Variants in MICU3 observed in about 807,000 individuals in gnomAD.
MICU3 encodes the protein mitochondrial calcium uptake 3.
Under a neutral mutation model 66.5 loss-of-function variants are expected in MICU3, and 62 were observed. That is an observed-to-expected ratio of 0.93 (90% CI 0.76 to 1.15). The LOEUF is 1.15. MICU3 is among the 50% of genes most tolerant of loss of function. The pLI is 0.00. For missense variants in MICU3, 779 were observed against 664.4 expected (o/e 1.17, Z -1.90); for synonymous variants, 308 against 240.7 (o/e 1.28, Z -2.59).
intron 13 of MICU3, among the ~76,000 whole-genome samples, chr8:17,117,117 A>T (rs571019023): frequency 6.6e-6 from 1 of 152,114 alleles, no homozygotes; most frequent in African/African-American, 2.4e-5. Context: ...AGCTGGGACT[A>T]TAGGTGCATG....
chr8:17,052,610 T>G (rs1023732581), intron 1 of MICU3, among the ~76,000 whole-genome samples: 4 of 152,186 alleles, frequency 2.6e-5, no homozygotes, highest in Non-Finnish European at 5.9e-5. Context: ...TTAAAAACTT[T>G]GATCTCAGCC....
At position 17,049,640 on chromosome 8, in the gene MICU3, C is replaced by T. The variant is rs767067927; in HGVS notation, c.382-14444C>T. ...CGTAGGCCGGAAGGATTGCAAAACC[C>T]ATATACTTTCATTCCAATATAACAA... On this transcript the variant is annotated intron_variant, in intron 1 of 14. Coordinates refer to ENST00000318063, the MANE Select transcript of MICU3 (RefSeq NM_181723.3). The T allele has an allele frequency of 5.4e-5, 28 of 518,090 alleles. No individual in the cohort carries two copies. The East Asian group carries it at 9.3e-4, about 17-fold the overall frequency. The allele number at this position is 518,090 out of a possible 1,614,324, so 32.1% of individuals were successfully genotyped here.
Position 17,027,462 on chromosome 8 carries a change from G to C in MICU3, c.183G>C (p.Arg61=), listed in dbSNP as rs1811183418. 3.1e-6 allele frequency: 4 copies of C among 1,297,402 alleles called. No homozygotes were observed. The South Asian group carries it at 1.0e-4, about 33-fold the overall frequency. 80.4% of individuals were successfully genotyped at this position (1,297,402 alleles called of 1,614,324 possible). A position where few individuals can be genotyped will look rare whatever the true frequency, so the allele number is the denominator to read the frequency against. The change falls in exon 1 of 15, where the codon CGG becomes CGC. Residue 61 remains arginine (R), a synonymous_variant. Transcript: ENST00000318063. The part of the protein sequence containing the change: ...RAVAEAAWRR[R]RRWGELSVAA... ...TGGCGGAGGCGGCATGGAGGCGGCG[G>C]CGGCGCTGGGGGGAGCTGAGCGTGG...
At chr8:17,032,526 CTAGT>C (rs1395073485) in intron 1 of MICU3, among the ~76,000 whole-genome samples, 1 of 152,146 alleles carries the variant, frequency 6.6e-6, no homozygotes, top group African/African-American at 2.4e-5. Flanking sequence ...GAGTGGAAAA[CTAGT>C]TAGACAAATT....
Position 17,114,255 on chromosome 8 carries a change from A to T in MICU3, c.1366+54A>T, listed in dbSNP as rs116617698. The T allele has an allele frequency of 1.5e-5, 18 of 1,198,324 alleles. No homozygotes were observed. The African/African-American group carries it at 1.5e-4, about 10-fold the overall frequency. 74.2% of individuals were successfully genotyped at this position (1,198,324 alleles called of 1,614,324 possible). ...CAAGAAGTAATACTACATTGTTTCT[A>T]TAGATTTTGGCAACCAATTAATTAA... On this transcript the variant is annotated intron_variant, in intron 12 of 14. Coordinates refer to ENST00000318063, the MANE Select transcript of MICU3 (RefSeq NM_181723.3).
At chr8:17,029,449 C>G (rs1811630058) in intron 1 of MICU3, among the ~76,000 whole-genome samples, 1 of 152,004 alleles carries the variant, frequency 6.6e-6, no homozygotes, top group Non-Finnish European at 1.5e-5. Context: ...GCACCCCAGC[C>G]TGGGTGACAA....
chr8:17,103,764 A>G (rs769348941), intron 9 of MICU3, among the ~76,000 whole-genome samples: 15 of 151,982 alleles, frequency 9.9e-5, no homozygotes, highest in Non-Finnish European at 1.9e-4. Context: ...TTAATTTTTT[A>G]TCCATTTGAC....
chr8:17,128,595 A>G, the MICU3 span, among the ~76,000 whole-genome samples: 1 of 152,190 alleles, frequency 6.6e-6, no homozygotes, highest in African/African-American at 2.4e-5. Flanking sequence ...AGCCATGACT[A>G]TTAGACTTAT....
At chr8:17,065,911 A>G (rs150340725) in intron 2 of MICU3, among the ~76,000 whole-genome samples, 2 of 152,172 alleles carry the variant, frequency 1.3e-5, no homozygotes, top group Non-Finnish European at 2.9e-5. Context: ...TAAATTAAAA[A>G]AAAGATTTTA....
intron 1 of MICU3, chr8:17,049,594 G>A (rs745864112): frequency 3.9e-6 from 2 of 518,632 alleles, no homozygotes; most frequent in Non-Finnish European, 7.7e-6. Context: ...TAACTAGGAA[G>A]GGATGAAGCT....
At chr8:17,102,249 A>G (rs1265182800) in intron 9 of MICU3, among the ~76,000 whole-genome samples, 1 of 151,618 alleles carries the variant, frequency 6.6e-6, no homozygotes, top group Admixed American at 6.6e-5. Flanking sequence ...CTTATGCTCC[A>G]CTCGAGCATG....
intron 12 of MICU3, 114 bp from the exon 13 acceptor site, chr8:17,116,329 C>A: frequency 1.6e-6 from 1 of 627,890 alleles, no homozygotes; most frequent in Non-Finnish European, 2.4e-6. Flanking sequence ...GGCCATGTTG[C>A]ATAAGATCAT....
chr8:17,028,404 C>G (rs1708728215), intron 1 of MICU3, among the ~76,000 whole-genome samples: 1 of 151,936 alleles, frequency 6.6e-6, no homozygotes, highest in Admixed American at 6.6e-5. Flanking sequence ...GTTAATAATA[C>G]AAGGTAAAGA....
rs116776276 is a variant in MICU3, at chr8:17,079,905, T to A, written c.647-1788T>A. Among the ~76,000 whole-genome samples, 319 of 152,276 alleles carry A rather than the reference T, an allele frequency of 2.1e-3. 2 individuals carry two copies. The highest frequency in any genetic ancestry group is 7.4e-3 in the African/African-American group (308 of 41,576). On this transcript the variant is annotated intron_variant, in intron 4 of 14. Coordinates refer to ENST00000318063, the MANE Select transcript of MICU3 (RefSeq NM_181723.3). ...GATATGCATTCATGAAAACATGTAT[T>A]GTAGAGACTTAATTATAACAGCCAA... is the stretch of plus-strand genomic sequence containing the variant.
chr8:17,107,950 A>G (rs918978333), intron 11 of MICU3, among the ~76,000 whole-genome samples: 12 of 152,208 alleles, frequency 7.9e-5, no homozygotes, highest in Non-Finnish European at 1.6e-4. Flanking sequence ...AGGTTAAGAT[A>G]CTGTTATAGG....
At chr8:17,032,722 C>T (rs930258824) in intron 1 of MICU3, among the ~76,000 whole-genome samples, 1 of 152,184 alleles carries the variant, frequency 6.6e-6, no homozygotes, top group African/African-American at 2.4e-5. Context: ...TGCCGTGCTT[C>T]ATTTTCTTGT....
chr8:17,042,103 TTTACTA>T (rs1229340359), intron 1 of MICU3, among the ~76,000 whole-genome samples: 4 of 152,212 alleles, frequency 2.6e-5, no homozygotes, highest in African/African-American at 9.6e-5. Context: ...GGTCACAACT[TTTACTA>T]TTCTAATTTA....
At chr8:17,034,088 G>C (rs1173506374) in intron 1 of MICU3, among the ~76,000 whole-genome samples, 1 of 152,184 alleles carries the variant, frequency 6.6e-6, no homozygotes, top group African/African-American at 2.4e-5. Context: ...AATGCAGCTG[G>C]TGACTTGAAG....
intron 1 of MICU3, among the ~76,000 whole-genome samples, chr8:17,060,582 G>T (rs1283394090): frequency 2.0e-5 from 3 of 152,178 alleles, no homozygotes; most frequent in Non-Finnish European, 4.4e-5. Context: ...ATAGTGCTGG[G>T]ATTACGGGCA....
Sources: allele counts gnomAD v4.1 joint callset (sites outside exome capture counted in the v4.1 genomes callset), GRCh38; gene constraint gnomAD v4.1.1; transcripts MANE v1.5; gene names NCBI Gene and HGNC (gene_info 2026-07-23, HGNC 2026-07-21).